CSNK2A2IP: variants seen among roughly 807,000 people sequenced by gnomAD.
CSNK2A2IP encodes the protein casein kinase 2 subunit alpha' interacting protein.
chr3:88,408,685 A>G, the CSNK2A2IP span, among the ~76,000 whole-genome samples: 2 of 151,988 alleles, frequency 1.3e-5, no homozygotes, highest in African/African-American at 4.8e-5. Flanking sequence ...TATATGTTCA[A>G]GATTGCCCAT....
the CSNK2A2IP span, among the ~76,000 whole-genome samples, chr3:88,394,155 A>T: frequency 6.6e-6 from 1 of 152,186 alleles, no homozygotes; most frequent in Non-Finnish European, 1.5e-5. Flanking sequence ...ACAAGTGCAG[A>T]CACTTATTTA....
chr3:88,351,404 TTC>T, the CSNK2A2IP span, among the ~76,000 whole-genome samples: 1 of 152,030 alleles, frequency 6.6e-6, no homozygotes, highest in Admixed American at 6.6e-5. Context: ...CGATGTTAAT[TTC>T]TTTTTTTCCT....
chr3:88,375,366 A>G, the CSNK2A2IP span, among the ~76,000 whole-genome samples: 2 of 151,786 alleles, frequency 1.3e-5, no homozygotes, highest in Non-Finnish European at 2.9e-5. Context: ...ACCTTATGGT[A>G]GAAGGGAAGG....
chr3:88,409,809 A>G, the CSNK2A2IP span, among the ~76,000 whole-genome samples: 1 of 152,012 alleles, frequency 6.6e-6, no homozygotes, highest in Non-Finnish European at 1.5e-5. Context: ...TTAATTTTCT[A>G]TCAGGATATA....
the CSNK2A2IP span, among the ~76,000 whole-genome samples, chr3:88,340,916 A>G: frequency 6.6e-6 from 1 of 151,958 alleles, no homozygotes; most frequent in Non-Finnish European, 1.5e-5. Flanking sequence ...CAACTTCATA[A>G]ACAAATACAT....
the CSNK2A2IP span, among the ~76,000 whole-genome samples, chr3:88,397,258 T>A: frequency 6.6e-6 from 1 of 152,220 alleles, no homozygotes; most frequent in South Asian, 2.1e-4. Context: ...GTATTTCAGC[T>A]AGAAGTATGT....
the CSNK2A2IP span, among the ~76,000 whole-genome samples, chr3:88,367,869 G>T: frequency 6.6e-6 from 1 of 152,178 alleles, no homozygotes; most frequent in East Asian, 1.9e-4. Context: ...TAATGGTTAA[G>T]GGGATAGTAT....
the CSNK2A2IP span, among the ~76,000 whole-genome samples, chr3:88,451,523 G>A: frequency 6.6e-6 from 1 of 151,610 alleles, no homozygotes; most frequent in African/African-American, 2.4e-5. Flanking sequence ...AATAACCTCA[G>A]TCATCGCCCT....
chr3:88,430,904 A>C, the CSNK2A2IP span, among the ~76,000 whole-genome samples: 1 of 152,122 alleles, frequency 6.6e-6, no homozygotes, highest in African/African-American at 2.4e-5. Context: ...TCCAGAAAAC[A>C]AAAACAAATG....
At chr3:88,397,454 GATAGAGA>G in the CSNK2A2IP span, among the ~76,000 whole-genome samples, 14 of 152,042 alleles carry the variant, frequency 9.2e-5, no homozygotes, top group Non-Finnish European at 1.8e-4. Flanking sequence ...CAAGAATAAT[GATAGAGA>G]ATAATTTGTC....
the CSNK2A2IP span, among the ~76,000 whole-genome samples, chr3:88,464,575 A>G: frequency 1.6e-4 from 24 of 152,158 alleles, no homozygotes; most frequent in Non-Finnish European, 2.4e-4. Flanking sequence ...AAAAGTTTCA[A>G]TGCTGCAGTG....
the CSNK2A2IP span, among the ~76,000 whole-genome samples, chr3:88,361,334 G>A: frequency 6.6e-6 from 1 of 152,126 alleles, no homozygotes; most frequent in Non-Finnish European, 1.5e-5. Flanking sequence ...GTTTGTCTGG[G>A]AAAGTCTTTA....
chr3:88,389,786 A>G, the CSNK2A2IP span, among the ~76,000 whole-genome samples: 4 of 151,170 alleles, frequency 2.6e-5, no homozygotes, highest in East Asian at 7.8e-4. Flanking sequence ...TACACATTGG[A>G]GTGCATGGTG....
At chr3:88,366,884 G>A in the CSNK2A2IP span, among the ~76,000 whole-genome samples, 2 of 152,036 alleles carry the variant, frequency 1.3e-5, no homozygotes, top group African/African-American at 2.4e-5. Context: ...GGCTGAAGGC[G>A]AAAGGCACTT....
At chr3:88,438,054 G>A in the CSNK2A2IP span, among the ~76,000 whole-genome samples, 54,750 of 151,926 alleles carry the variant, frequency 0.36, 11,126 homozygotes, top group Non-Finnish European at 0.47. Context: ...TTGCAAATTC[G>A]TGTTCTTATT....
chr3:88,453,955 G>A, the CSNK2A2IP span, among the ~76,000 whole-genome samples: 4 of 152,030 alleles, frequency 2.6e-5, no homozygotes, highest in Admixed American at 6.6e-5. Flanking sequence ...AATAAAAGGA[G>A]TGGAATGGCT....
chr3:88,376,896 GTCTTT>G, the CSNK2A2IP span, among the ~76,000 whole-genome samples: 5 of 151,700 alleles, frequency 3.3e-5, no homozygotes, highest in African/African-American at 1.2e-4. Context: ...ACTCTTGTTG[GTCTTT>G]TCTTTTTTGC....
chr3:88,405,791 A>G, the CSNK2A2IP span, among the ~76,000 whole-genome samples: 13 of 152,266 alleles, frequency 8.5e-5, no homozygotes, highest in East Asian at 2.1e-3. Flanking sequence ...GATTTGTCCT[A>G]GGCCCCCACT....
At chr3:88,378,180 C>A in the CSNK2A2IP span, among the ~76,000 whole-genome samples, 76 of 151,992 alleles carry the variant, frequency 5.0e-4, 1 homozygote, top group East Asian at 0.015. Flanking sequence ...AACTTTCCCC[C>A]ACTTTTACCC....
Sources: gnomAD v4.1 joint callset for allele counts (sites outside exome capture counted in the v4.1 genomes callset) on GRCh38, gnomAD v4.1.1 for gene constraint, MANE v1.5 for transcripts, NCBI Gene and HGNC (gene_info 2026-07-23, HGNC 2026-07-21) for gene names.